The following COL14A1 variants were observed in gnomAD, a reference collection of about 807,000 sequenced individuals.
COL14A1 encodes the protein collagen type XIV alpha 1 chain.
In COL14A1, 136 loss-of-function variants were observed where a neutral mutation model predicts 230.3. The observed-to-expected ratio is 0.59, with a 90% CI of 0.51 to 0.68. COL14A1 has a LOEUF of 0.68. COL14A1 is among the 30% of genes least tolerant of loss of function. The pLI, the probability that COL14A1 is intolerant of heterozygous loss-of-function variation, is 0.00. For synonymous variants in COL14A1, 792 were observed against 784.1 expected, an observed-to-expected ratio of 1.01 and a Z score of -0.17; for missense variants, 1,976 against 2,215.8, an observed-to-expected ratio of 0.89 and a Z score of 2.17.
In COL14A1 at chr8:120,372,936, G is replaced by A. The variant is rs1443183603; in HGVS notation, c.*1705G>A. 1.3e-5 allele frequency among the ~76,000 whole-genome samples: 2 copies of A among 152,124 alleles called. No homozygotes were observed. Among genetic ancestry groups the A allele is most frequent in the Non-Finnish European group, 2.9e-5 (2 of 68,014 alleles). Reference sequence around the variant, plus strand: ...CCATTTCCTTTCAGTTATGGTATATGATTCTGCCTGAGAAAGCAGGATTTA... The same window carrying A: ...CCATTTCCTTTCAGTTATGGTATATAATTCTGCCTGAGAAAGCAGGATTTA... On this transcript the variant is annotated 3_prime_UTR_variant, in exon 48 of 48. Transcript: ENST00000297848.
intron 1 of COL14A1, among the ~76,000 whole-genome samples, chr8:120,132,049 T>C (rs989266287): frequency 2.0e-5 from 3 of 151,900 alleles, no homozygotes; most frequent in Non-Finnish European, 2.9e-5. Flanking sequence ...GAGGTTTCAC[T>C]GTGTTAGCCA....
At chr8:120,162,599 C>T (rs563605941) in intron 4 of COL14A1, 30 bp downstream of exon 4, 27 of 1,557,196 alleles carry the variant, frequency 1.7e-5, no homozygotes, top group Admixed American at 1.2e-4. Context: ...AAAGCACCTC[C>T]GCAGGACTCT....
chr8:120,248,273 G>T (rs1445056627), intron 21 of COL14A1, among the ~76,000 whole-genome samples: 2 of 151,932 alleles, frequency 1.3e-5, no homozygotes, highest in East Asian at 3.9e-4. Flanking sequence ...CTCCATAAGA[G>T]GATCCCTCTC....
At position 120,317,537 on chromosome 8, in the gene COL14A1, A is replaced by G. The variant is rs185352918; in HGVS notation, c.4659+1540A>G. Among the ~76,000 whole-genome samples, 29 of 152,336 alleles carry G rather than the reference A, an allele frequency of 1.9e-4. No homozygotes were observed. The East Asian group carries it at 5.6e-3, about 29-fold the overall frequency. On this transcript the variant is annotated intron_variant, in intron 40 of 47. Coordinates refer to ENST00000297848, the MANE Select transcript of COL14A1 (RefSeq NM_021110.4). ...TCTAGAAATATTTATATATTTTGGCAAAGGGCGTAGGCTAAGATCCTGTGT... is the reference window on the plus strand; with the variant it reads ...TCTAGAAATATTTATATATTTTGGCGAAGGGCGTAGGCTAAGATCCTGTGT...
At chr8:120,248,262 C>T (rs1818823918) in intron 21 of COL14A1, among the ~76,000 whole-genome samples, 1 of 152,040 alleles carries the variant, frequency 6.6e-6, no homozygotes, top group Non-Finnish European at 1.5e-5. Context: ...CTCTTAGCCA[C>T]CTCCATAAGA....
At chr8:120,145,674 A>G (rs1033404336) in intron 1 of COL14A1, among the ~76,000 whole-genome samples, 1 of 152,200 alleles carries the variant, frequency 6.6e-6, no homozygotes, top group Non-Finnish European at 1.5e-5. Flanking sequence ...CAGTTCTACA[A>G]TTGGGAATTT....
intron 2 of COL14A1, among the ~76,000 whole-genome samples, chr8:120,151,122 G>A (rs986508063): frequency 2.6e-5 from 4 of 152,196 alleles, no homozygotes; most frequent in Admixed American, 6.5e-5. Context: ...AATAAGAAAC[G>A]CTTTAGAGGC....
chr8:120,368,846 A>G (rs944013969), intron 46 of COL14A1, among the ~76,000 whole-genome samples: 5 of 152,062 alleles, frequency 3.3e-5, no homozygotes, highest in African/African-American at 1.2e-4. Flanking sequence ...GGCTATTCTA[A>G]CTGTTGATGA....
intron 47 of COL14A1, chr8:120,370,682 G>A: frequency 2.1e-6 from 3 of 1,438,114 alleles, no homozygotes; most frequent in African/African-American, 1.4e-5. Flanking sequence ...CTGTGTGACA[G>A]CTTCATAATA....
At chr8:120,332,528 AC>A (rs1821906836) in intron 41 of COL14A1, 135 bp from the exon 42 acceptor site, 2 of 711,168 alleles carry the variant, frequency 2.8e-6, no homozygotes, top group Non-Finnish European at 4.7e-6. Flanking sequence ...GGAGTTGGGA[AC>A]AGGAATGAGG....
intron 45 of COL14A1, among the ~76,000 whole-genome samples, chr8:120,355,765 C>T (rs541686921): frequency 3.3e-5 from 5 of 152,178 alleles, no homozygotes; most frequent in Non-Finnish European, 5.9e-5. Flanking sequence ...ATAATCCTCC[C>T]GAAATTTTTG....
intron 5 of COL14A1, among the ~76,000 whole-genome samples, chr8:120,189,277 G>T (rs113852216): frequency 3.3e-5 from 5 of 152,224 alleles, no homozygotes; most frequent in Non-Finnish European, 5.9e-5. Context: ...AGGGTTCATT[G>T]TGTTTATGTA....
chr8:120,148,794 G>T (rs1356341732), intron 2 of COL14A1, among the ~76,000 whole-genome samples: 1 of 152,126 alleles, frequency 6.6e-6, no homozygotes. Context: ...AACTTAATTT[G>T]TGAAATCTGC....
chr8:120,291,483 C>G (rs918066925), intron 34 of COL14A1, among the ~76,000 whole-genome samples: 3 of 147,064 alleles, frequency 2.0e-5, no homozygotes, highest in African/African-American at 7.6e-5. Context: ...TTGCTTGACC[C>G]CAGGAGGCGG....
At chr8:120,259,507 G>A (rs1400420786) in intron 23 of COL14A1, among the ~76,000 whole-genome samples, 1 of 152,106 alleles carries the variant, frequency 6.6e-6, no homozygotes, top group Non-Finnish European at 1.5e-5. Flanking sequence ...AAGCCAATAG[G>A]CCTGAATTGC....
intron 22 of COL14A1, among the ~76,000 whole-genome samples, chr8:120,254,142 AAGAG>A (rs1247710472): frequency 6.6e-6 from 1 of 151,918 alleles, no homozygotes; most frequent in South Asian, 2.1e-4. Flanking sequence ...TGAGTAAGCT[AAGAG>A]AGAGAGAGAA....
At chr8:120,302,420 T>C (rs1027691712) in intron 36 of COL14A1, among the ~76,000 whole-genome samples, 12 of 152,162 alleles carry the variant, frequency 7.9e-5, no homozygotes, top group African/African-American at 2.9e-4. Flanking sequence ...TCTTTGTATA[T>C]GGTGTAAGGA....
chr8:120,310,517 G>A (rs985768286), intron 37 of COL14A1, among the ~76,000 whole-genome samples: 4 of 152,090 alleles, frequency 2.6e-5, no homozygotes, highest in Admixed American at 6.6e-5. Flanking sequence ...TACTGCCCAG[G>A]GTCATCAAAT....
At chr8:120,365,043 T>G (rs1823360795) in intron 45 of COL14A1, among the ~76,000 whole-genome samples, 1 of 152,232 alleles carries the variant, frequency 6.6e-6, no homozygotes, top group Non-Finnish European at 1.5e-5. Flanking sequence ...TAGTTCTCTC[T>G]TCTTACCTCG....
Sources: gnomAD v4.1 joint callset for allele counts (sites outside exome capture counted in the v4.1 genomes callset) on GRCh38, gnomAD v4.1.1 for gene constraint, MANE v1.5 for transcripts, NCBI Gene and HGNC (gene_info 2026-07-23, HGNC 2026-07-21) for gene names.